Variants in CEP128 observed in about 807,000 individuals in gnomAD.
CEP128 encodes the protein centrosomal protein 128kDa.
A neutral mutation model predicts 156.7 loss-of-function variants in CEP128; 132 were observed. The ratio of observed to expected loss-of-function variants is 0.84; its 90% CI spans 0.73 to 0.97. The LOEUF (loss-of-function observed/expected upper bound fraction) is 0.97, where lower values mean the gene tolerates loss of function less well. Among genes scored for constraint, CEP128 ranks in the 50% least tolerant of loss-of-function variants. The probability of loss-of-function intolerance (pLI) is 0.00; values close to 1 mark genes in which losing one functional copy is unlikely to be tolerated. For missense variants in CEP128, 1,252 were observed against 1,281.9 expected, an observed-to-expected ratio of 0.98 and a Z score of 0.36; for synonymous variants, 469 against 448.9, an observed-to-expected ratio of 1.04 and a Z score of -0.57.
intron 9 of CEP128, among the ~76,000 whole-genome samples, chr14:80,847,191 GA>G (rs1886652181): frequency 6.6e-6 from 1 of 152,254 alleles, no homozygotes; most frequent in Admixed American, 6.5e-5. Context: ...GGCTGAATAA[GA>G]GGGCAAGGAG....
intron 21 of CEP128, among the ~76,000 whole-genome samples, chr14:80,541,989 G>C (rs984218351): frequency 6.6e-6 from 1 of 152,158 alleles, no homozygotes; most frequent in Non-Finnish European, 1.5e-5. Context: ...TTGTTGTAAG[G>C]ATCAAATACA....
At chr14:80,599,510 C>T (rs889338160) in intron 19 of CEP128, among the ~76,000 whole-genome samples, 1 of 151,870 alleles carries the variant, frequency 6.6e-6, no homozygotes, top group South Asian at 2.1e-4. Context: ...CTCCTGACCT[C>T]GTGATCCACC....
In CEP128 at chr14:80,723,253, T is replaced by C. The variant is rs138057447; in HGVS notation, c.2806+19822A>G. On this transcript the variant is annotated intron_variant, in intron 19 of 24. Transcript: ENST00000555265. ...GTGAAATGAGTCAAACTACTACCAA[T>C]AGACATTAAGGTAATCACTATTTGA... Among the ~76,000 whole-genome samples, 320 of 152,304 alleles carry C rather than the reference T, an allele frequency of 2.1e-3. 2 individuals carry two copies. The highest frequency in any genetic ancestry group is 7.4e-3 in the African/African-American group (306 of 41,570).
chr14:80,822,854 T>G (rs1885264070), intron 13 of CEP128: 1 of 683,732 alleles, frequency 1.5e-6, no homozygotes. Context: ...TTTGAAATAC[T>G]ATTTTTTATC....
At chr14:80,859,951 A>AT (rs1254949871) in intron 9 of CEP128, among the ~76,000 whole-genome samples, 4 of 152,158 alleles carry the variant, frequency 2.6e-5, no homozygotes, top group Admixed American at 6.5e-5. Context: ...TAAATGTCAT[A>AT]TTTTTCATTA....
intron 1 of CEP128, among the ~76,000 whole-genome samples, chr14:80,958,659 C>CT (rs1047586587): frequency 1.3e-5 from 2 of 152,010 alleles, no homozygotes; most frequent in Non-Finnish European, 2.9e-5. Context: ...AAATCTAGAT[C>CT]TTTTTTTACA....
intron 19 of CEP128, among the ~76,000 whole-genome samples, chr14:80,589,141 G>A (rs1891941545): frequency 6.6e-6 from 1 of 152,056 alleles, no homozygotes; most frequent in South Asian, 2.1e-4. Context: ...AAGGGATGAA[G>A]GAAACCTCTA....
intron 14 of CEP128, among the ~76,000 whole-genome samples, chr14:80,479,670 CT>C (rs1367396403): frequency 6.6e-6 from 1 of 152,174 alleles, no homozygotes; most frequent in Non-Finnish European, 1.5e-5. Context: ...CATTCTGCCC[CT>C]GGTCCCTCCA....
intron 19 of CEP128, among the ~76,000 whole-genome samples, chr14:80,660,617 T>C (rs937852263): frequency 6.6e-6 from 1 of 152,174 alleles, no homozygotes; most frequent in Non-Finnish European, 1.5e-5. Context: ...AAAGCTTCAA[T>C]GACAACATTG....
At chr14:80,526,774 T>C in intron 23 of CEP128, 95 bp downstream of exon 23, 1 of 595,150 alleles carries the variant, frequency 1.7e-6, no homozygotes, top group Non-Finnish European at 3.0e-6. Context: ...CTTTCACAAG[T>C]GCCCTTACAC....
chr14:80,542,421 T>A (rs1889806867), intron 21 of CEP128, among the ~76,000 whole-genome samples: 1 of 152,078 alleles, frequency 6.6e-6, no homozygotes, highest in South Asian at 2.1e-4. Flanking sequence ...AAATCGACTA[T>A]CTTTGAGGGA....
At chr14:80,554,226 A>T (rs1890334743) in intron 21 of CEP128, among the ~76,000 whole-genome samples, 1 of 152,188 alleles carries the variant, frequency 6.6e-6, no homozygotes, top group Non-Finnish European at 1.5e-5. Context: ...GAACAAACTC[A>T]ACTTGTTCAT....
intron 8 of CEP128, among the ~76,000 whole-genome samples, chr14:80,880,030 G>A (rs1227190003): frequency 6.6e-6 from 1 of 152,148 alleles, no homozygotes; most frequent in Non-Finnish European, 1.5e-5. Flanking sequence ...GACATCACAA[G>A]AGAAGAAAGC....
intron 21 of CEP128, among the ~76,000 whole-genome samples, chr14:80,553,218 G>C (rs1371770245): frequency 2.6e-5 from 4 of 151,978 alleles, no homozygotes; most frequent in Non-Finnish European, 4.4e-5. Context: ...ACATGCATTA[G>C]ATATTTGTCC....
intron 21 of CEP128, among the ~76,000 whole-genome samples, chr14:80,545,302 C>T (rs1889934442): frequency 6.6e-6 from 1 of 152,054 alleles, no homozygotes; most frequent in African/African-American, 2.4e-5. Context: ...GAGTGTGATG[C>T]AACAAAGGAT....
chr14:80,785,524 A>G lies in CEP128; in HGVS notation c.1582T>C (p.Leu528=), dbSNP rs771525386. 5.5e-5 allele frequency: 89 copies of G among 1,607,884 alleles called. No homozygotes were observed. Among genetic ancestry groups the G allele is most frequent in the Non-Finnish European group, 7.2e-5 (85 of 1,177,638 alleles). Residue 528 remains leucine, a synonymous_variant, in exon 15 of 25, where the codon TTG becomes CTG. Transcript: ENST00000555265. ...NNQILKEKDE[L]KTQLYAALQQ... The stretch of plus-strand genomic sequence containing the variant: ...AATGCTGCATACAGCTGGGTTTTCA[A>G]TTCATCCTTTTCTTTTAAAATCTAT...
intron 8 of CEP128, among the ~76,000 whole-genome samples, chr14:80,885,882 TA>T (rs1888773477): frequency 6.6e-6 from 1 of 151,928 alleles, no homozygotes; most frequent in African/African-American, 2.4e-5. Flanking sequence ...AGAACCTTGA[TA>T]AAAGGTTATA....
intron 9 of CEP128, among the ~76,000 whole-genome samples, chr14:80,850,081 G>A (rs1886811453): frequency 6.6e-6 from 1 of 151,900 alleles, no homozygotes; most frequent in Non-Finnish European, 1.5e-5. Context: ...AGGAAGAAGG[G>A]AAAAACCTGT....
At chr14:80,547,797 ATTTT>A (rs369896159) in intron 21 of CEP128, among the ~76,000 whole-genome samples, 1 of 141,198 alleles carries the variant, frequency 7.1e-6, no homozygotes, top group African/African-American at 2.6e-5. Context: ...AGGGAGAGGA[ATTTT>A]TTTTTTTTTT....
Sources: gnomAD v4.1 joint callset for allele counts (sites outside exome capture counted in the v4.1 genomes callset) on GRCh38, gnomAD v4.1.1 for gene constraint, MANE v1.5 for transcripts, NCBI Gene and HGNC (gene_info 2026-07-23, HGNC 2026-07-21) for gene names.